Variants in RUFY2 observed in about 807,000 individuals in gnomAD.
RUFY2 encodes the protein RUN and FYVE domain-containing protein 2.
RUFY2 carries 49 observed loss-of-function variants against 94.4 expected under a neutral mutation model. That is an observed-to-expected ratio of 0.52 (90% CI 0.41 to 0.66). The LOEUF (loss-of-function observed/expected upper bound fraction) is 0.66. Among genes scored for constraint, RUFY2 ranks in the 30% least tolerant of loss-of-function variants. The pLI, the probability that RUFY2 is intolerant of heterozygous loss-of-function variation, is 0.00. For synonymous variants in RUFY2, 255 were observed against 235.7 expected, an observed-to-expected ratio of 1.08 and a Z score of -0.75; for missense variants, 541 against 692.8, an observed-to-expected ratio of 0.78 and a Z score of 2.46.
chr10:68,385,306 T>C (rs2049412258), intron 8 of RUFY2, among the ~76,000 whole-genome samples: 2 of 150,936 alleles, frequency 1.3e-5, no homozygotes, highest in Non-Finnish European at 3.0e-5. Context: ...TTAATTAACA[T>C]GGAAAATAGG....
At chr10:68,359,542 C>A in intron 15 of RUFY2, among the ~76,000 whole-genome samples, 1 of 140,142 alleles carries the variant, frequency 7.1e-6, no homozygotes, top group African/African-American at 2.6e-5. Flanking sequence ...ATATATAATG[C>A]TACTATATAT....
chr10:68,398,138 A>G (rs905162040), intron 3 of RUFY2, among the ~76,000 whole-genome samples: 1 of 151,498 alleles, frequency 6.6e-6, no homozygotes, highest in African/African-American at 2.4e-5. Context: ...AAAAAAAAAA[A>G]AAAAAAAAAA....
intron 2 of RUFY2, among the ~76,000 whole-genome samples, chr10:68,403,144 C>A (rs1278515129): frequency 6.7e-6 from 1 of 150,040 alleles, no homozygotes; most frequent in Non-Finnish European, 1.5e-5. Context: ...TCGCACCCAG[C>A]CACTTTTTTT....
intron 3 of RUFY2, among the ~76,000 whole-genome samples, chr10:68,397,903 C>A (rs1270328629): frequency 1.3e-5 from 2 of 151,182 alleles, no homozygotes; most frequent in Non-Finnish European, 3.0e-5. Flanking sequence ...CCGAGGCGAG[C>A]GGATCACAAG....
rs1564764967 is a variant in RUFY2, at chr10:68,344,387, T to TGGTTA, written c.*1380_*1381insTAACC. ...TGTATTTTTTATAGGCTCACAAACT[T>TGGTTA]AAAGTGCATGGTTAAAAATTAATGT... On this transcript the variant is annotated 3_prime_UTR_variant, in exon 18 of 18. Transcript: ENST00000602465. The TGGTTA allele has an allele frequency of 6.6e-6, 1 of 152,102 alleles. No individual in the cohort carries two copies. The highest frequency in any genetic ancestry group is 2.4e-5 in the African/African-American group (1 of 41,412). 9.4% of individuals were successfully genotyped at this position (152,102 alleles called of 1,614,324 possible).
In RUFY2 at chr10:68,345,922, GA is replaced by G. The variant is rs1456209389; in HGVS notation, c.1678-12del. The G allele has an allele frequency of 6.2e-7, 1 of 1,611,736 alleles. No homozygotes were observed. The highest frequency in any genetic ancestry group is 1.1e-5 in the South Asian group (1 of 90,390). The stretch of plus-strand genomic sequence containing the variant: ...ATTTCTACAGTGGTGCTATTAAACA[GA>G]AAAATCAGAGGGAAAAAAACACTTT... On this transcript the variant is annotated splice_polypyrimidine_tract_variant and intron_variant, in intron 17 of 17. Transcript: ENST00000602465.
chr10:68,358,873 T>C (rs2047235360), intron 15 of RUFY2, among the ~76,000 whole-genome samples: 1 of 152,014 alleles, frequency 6.6e-6, no homozygotes, highest in African/African-American at 2.4e-5. Flanking sequence ...ATCACGCCAC[T>C]GCACTCCAGC....
downstream of RUFY2, chr10:68,341,379 C>G: frequency 7.5e-6 from 11 of 1,476,428 alleles, no homozygotes; most frequent in Non-Finnish European, 1.0e-5. Context: ...GCTCTAAGAT[C>G]TGTAGGTAAC....
intron 13 of RUFY2, among the ~76,000 whole-genome samples, chr10:68,373,229 A>G (rs2048397527): frequency 6.6e-6 from 1 of 152,208 alleles, no homozygotes; most frequent in African/African-American, 2.4e-5. Context: ...TGTCCACAGC[A>G]AACACCAAAA....
At chr10:68,404,643 G>C in intron 2 of RUFY2, 28 bp downstream of exon 2, 1 of 1,469,690 alleles carries the variant, frequency 6.8e-7, no homozygotes, top group Non-Finnish European at 9.1e-7. Flanking sequence ...ATTCTAAAAT[G>C]AATTAATTTT....
intron 13 of RUFY2, among the ~76,000 whole-genome samples, chr10:68,365,259 T>A (rs1456547452): frequency 1.3e-5 from 2 of 152,214 alleles, no homozygotes; most frequent in Admixed American, 1.3e-4. Flanking sequence ...TTGAACAGCA[T>A]CTCTTCAACT....
intron 3 of RUFY2, among the ~76,000 whole-genome samples, chr10:68,400,985 C>G (rs1461901803): frequency 6.6e-6 from 1 of 151,786 alleles, no homozygotes; most frequent in African/African-American, 2.4e-5. Flanking sequence ...TGCACTCCAG[C>G]CTGGGCGACA....
chr10:68,401,832 T>C, intron 2 of RUFY2, 95 bp from the exon 3 acceptor site: 3 of 749,282 alleles, frequency 4.0e-6, no homozygotes, highest in Non-Finnish European at 6.9e-6. Context: ...TAACTTAACA[T>C]ACAATTATTC....
chr10:68,374,468 A>T (rs564072253), intron 13 of RUFY2, among the ~76,000 whole-genome samples: 11 of 152,338 alleles, frequency 7.2e-5, no homozygotes, highest in Non-Finnish European at 1.3e-4. Context: ...CCAAGAAGAC[A>T]TATTAACAGT....
intron 13 of RUFY2, among the ~76,000 whole-genome samples, chr10:68,370,458 T>G (rs1053000290): frequency 6.7e-6 from 1 of 150,208 alleles, no homozygotes; most frequent in Non-Finnish European, 1.5e-5. Context: ...CTTTTTTTTT[T>G]TTTTTTTTTG....
chr10:68,348,254 T>C (rs1251249936), intron 16 of RUFY2, among the ~76,000 whole-genome samples: 1 of 151,650 alleles, frequency 6.6e-6, no homozygotes, highest in East Asian at 1.9e-4. Flanking sequence ...CCCAGCACTT[T>C]TGAGACTTTG....
At chr10:68,387,939 G>A (rs1443266923) in intron 7 of RUFY2, among the ~76,000 whole-genome samples, 1 of 152,064 alleles carries the variant, frequency 6.6e-6, no homozygotes, top group Non-Finnish European at 1.5e-5. Context: ...GGAGGCGGAC[G>A]TTGCAGTGAG....
At chr10:68,376,124 ATTT>A (rs2048618933) in intron 13 of RUFY2, among the ~76,000 whole-genome samples, 1 of 147,130 alleles carries the variant, frequency 6.8e-6, no homozygotes, top group Non-Finnish European at 1.5e-5. Flanking sequence ...AAAAAAGTTG[ATTT>A]AAAAAAAAAT....
intron 3 of RUFY2, 48 bp downstream of exon 3, chr10:68,401,572 T>C: frequency 8.6e-7 from 1 of 1,162,918 alleles, no homozygotes; most frequent in East Asian, 2.3e-5. Context: ...GGAGGAACAA[T>C]GAATACACTT....
Sources: gnomAD v4.1 joint callset for allele counts (sites outside exome capture counted in the v4.1 genomes callset) on GRCh38, gnomAD v4.1.1 for gene constraint, MANE v1.5 for transcripts, NCBI Gene and HGNC (gene_info 2026-07-23, HGNC 2026-07-21) for gene names.